HAGH: variants seen among roughly 807,000 people sequenced by gnomAD.
HAGH encodes hydroxyacylglutathione hydrolase, mitochondrial.
Under a neutral mutation model 35.1 loss-of-function variants are expected in HAGH, and 29 were observed. The ratio of observed to expected loss-of-function variants is 0.83; its 90% confidence interval spans 0.62 to 1.13. The LOEUF (loss-of-function observed/expected upper bound fraction) is 1.13, where lower values mean the gene tolerates loss of function less well. Ranked by LOEUF, HAGH falls within the 50% of genes most tolerant of loss-of-function variation. The pLI, the probability that HAGH is intolerant of heterozygous loss-of-function variation, is 0.00. For synonymous variants in HAGH, 225 were observed against 176.1 expected (o/e 1.28, Z -2.20); for missense variants, 478 against 419.6 (o/e 1.14, Z -1.22).
Position 1,822,351 on chromosome 16 carries a change from G to A in HAGH, c.263C>T (p.Ala88Val), listed in dbSNP as rs748598520. 7 of 1,610,594 alleles carry A rather than the reference G, an allele frequency of 4.3e-6. No homozygotes were observed. Among genetic ancestry groups the A allele is most frequent in the African/African-American group, 4.0e-5 (3 of 74,850 alleles). ...PVQPQKVVDA[A>V]RKHGVKLTTV... ...GGTCAGTTTCACCCCGTGCTTTCTC[G>A]CCGCGTCCACGACCTGCAGTGGCCC... The change falls in exon 3 of 9, where the codon GCG becomes GTG. Residue 88 changes from alanine (A) to valine (V), a missense_variant. Coordinates refer to ENST00000397356, the MANE Select transcript of HAGH (RefSeq NM_005326.6).
At chr16:1,819,010 C>T (rs1247340055) in intron 5 of HAGH, 105 bp downstream of exon 5, 9 of 714,250 alleles carry the variant, frequency 1.3e-5, no homozygotes, top group Non-Finnish European at 2.3e-5. Context: ...CCCCCTCACA[C>T]CGGTGCAACA....
rs1028590 is a variant in HAGH, at chr16:1,808,068, C to T, written c.*1215G>A. On this transcript the variant is annotated 3_prime_UTR_variant, in exon 9 of 9. Coordinates refer to ENST00000397356, the MANE Select transcript of HAGH (RefSeq NM_005326.6). ...CAAATGTTTCAGAACACGCGAGAGG[C>T]GGCTGCAGCATTGTGAATGGACTAA... is the stretch of plus-strand genomic sequence containing the variant. 0.45 allele frequency: 68,021 copies of T among 152,102 alleles called. 18,382 individuals carry two copies. The highest frequency in any genetic ancestry group is 0.65 in the Middle Eastern group (193 of 296). 9.4% of individuals were successfully genotyped at this position (152,102 alleles called of 1,614,324 possible). A position where few individuals can be genotyped will look rare whatever the true frequency, so the allele number is the denominator to read the frequency against.
chr16:1,809,460 C>A (rs1437801676), intron 8 of HAGH, 78 bp from the exon 9 acceptor site: 3 of 1,224,202 alleles, frequency 2.5e-6, no homozygotes, highest in Non-Finnish European at 3.5e-6. Context: ...CAGAGGAAGG[C>A]GACTCGTGCT....
rs529469453 is a variant in HAGH, at chr16:1,816,203, C to CA, written c.747+689dup. Among the ~76,000 whole-genome samples the CA allele has an allele frequency of 4.2e-3, 397 of 94,096 alleles. 1 individual carries two copies. Among genetic ancestry groups the CA allele is most frequent in the South Asian group, 9.2e-3 (26 of 2,826 alleles). 61.7% of individuals were successfully genotyped at this position (94,096 alleles called of 152,430 possible). Reference sequence around the variant, plus strand: ...TGGGCGACAGAGGGAGACTCCGTCTCAAAAAAAAATTAAAAAAAAAAAAAA... The same window carrying CA: ...TGGGCGACAGAGGGAGACTCCGTCTCAAAAAAAAAATTAAAAAAAAAAAAAA... On this transcript the variant is annotated intron_variant, in intron 7 of 8. Coordinates refer to ENST00000397356, the MANE Select transcript of HAGH (RefSeq NM_005326.6).
Position 1,826,648 on chromosome 16 carries a change from C to T in HAGH, c.76+64G>A, listed in dbSNP as rs959245098. ...CAGCGGTCGCCAAACGACGGCCCGG[C>T]GCCGCCCGCTGCCCGCCCCGCCAGG... On this transcript the variant is annotated intron_variant, in intron 1 of 8. Transcript: ENST00000397356. 90 of 965,776 alleles carry T rather than the reference C, an allele frequency of 9.3e-5. No homozygotes were observed. The African/African-American group carries it at 1.5e-3, about 16-fold the overall frequency. The allele number at this position is 965,776 out of a possible 1,614,324, so 59.8% of individuals were successfully genotyped here.
chr16:1,820,259 C>A (rs1898095888), intron 3 of HAGH, among the ~76,000 whole-genome samples: 1 of 145,568 alleles, frequency 6.9e-6, no homozygotes, highest in Admixed American at 6.7e-5. Flanking sequence ...CAAAGCACCA[C>A]CTGGTTCCCA....
intron 7 of HAGH, 144 bp downstream of exon 7, chr16:1,816,749 G>C (rs934374345): frequency 1.6e-6 from 1 of 642,694 alleles, no homozygotes; most frequent in African/African-American, 1.8e-5. Flanking sequence ...TGCCGTGCAG[G>C]GCGAGCTGGG....
chr16:1,814,801 G>A (rs538839983), intron 7 of HAGH, among the ~76,000 whole-genome samples: 2 of 152,082 alleles, frequency 1.3e-5, no homozygotes, highest in African/African-American at 4.8e-5. Flanking sequence ...GGGAGGCTGA[G>A]GCAGGAGAAT....
intron 3 of HAGH, among the ~76,000 whole-genome samples, chr16:1,820,315 G>C (rs1213569135): frequency 6.6e-6 from 1 of 151,730 alleles, no homozygotes; most frequent in East Asian, 1.9e-4. Context: ...CCTGGGGGTG[G>C]ATTTCTTGTC....
intron 5 of HAGH, among the ~76,000 whole-genome samples, chr16:1,817,738 C>T (rs1435248965): frequency 7.3e-6 from 1 of 136,710 alleles, no homozygotes; most frequent in East Asian, 2.5e-4. Context: ...CTGGGCACCT[C>T]AGGCGCACCC....
At position 1,817,226 on chromosome 16, in the gene HAGH, G is replaced by A; in HGVS notation, c.587C>T (p.Thr196Ile). The A allele has an allele frequency of 6.2e-7, 1 of 1,613,648 alleles. No individual in the cohort carries two copies. The highest frequency in any genetic ancestry group is 8.5e-7 in the Non-Finnish European group (1 of 1,179,556). The stretch of plus-strand genomic sequence containing the variant: ...CAGAGCTTTACACATCTCATCCGCA[G>A]TCCCTTCATAGAACTTCCCGCAGCC... ...VAGCGKFYEGTADEMCKALLE... is the reference protein window; with the variant it reads ...VAGCGKFYEGIADEMCKALLE... Residue 196 changes from threonine to isoleucine, a missense_variant, in exon 6 of 9, where the codon ACT becomes ATT. Thr to Ile is a moderately conservative substitution (Grantham distance 89). Transcript: ENST00000397356.
chr16:1,812,198 C>CAAA (rs763735556), intron 7 of HAGH, among the ~76,000 whole-genome samples: 23 of 110,644 alleles, frequency 2.1e-4, no homozygotes, highest in African/African-American at 7.3e-4. Context: ...TCTCCCCAAC[C>CAAA]AAAAAAAAAA....
At chr16:1,822,195 C>G in intron 3 of HAGH, 105 bp downstream of exon 3, 1 of 752,128 alleles carries the variant, frequency 1.3e-6, no homozygotes, top group East Asian at 2.7e-5. Context: ...CTTGTCCTCA[C>G]AAAGCAGACA....
In HAGH at chr16:1,819,195, G is replaced by A. The variant is rs1054333380; in HGVS notation, c.461C>T (p.Ala154Val). 1.9e-5 allele frequency: 30 copies of A among 1,611,976 alleles called. No homozygotes were observed. The highest frequency in any genetic ancestry group is 2.2e-5 in the East Asian group (1 of 44,832). ...QVGSLNVKCL[A>V]TPCHTSGHIC... ...GTGTCCTGAAGTGTGGCACGGGGTC[G>A]CCAGGCACTTGACGTTCAGAGACCC... Residue 154 changes from alanine (A) to valine (V), a missense_variant, in exon 5 of 9, where the codon GCG (alanine) becomes GTG (valine). Physicochemically the swap from Ala to Val is moderately conservative, Grantham distance 64 (BLOSUM62 0). Coordinates refer to ENST00000397356, the MANE Select transcript of HAGH (RefSeq NM_005326.6).
intron 6 of HAGH, 24 bp downstream of exon 6, chr16:1,817,144 G>T: frequency 6.6e-7 from 1 of 1,522,400 alleles, no homozygotes; most frequent in Non-Finnish European, 9.1e-7. Flanking sequence ...CCCACACCCC[G>T]GCCCGCAGGG....
chr16:1,826,810 C>G lies in HAGH; in HGVS notation c.-23G>C, dbSNP rs910827827. 96 of 1,217,890 alleles carry G rather than the reference C, an allele frequency of 7.9e-5. No homozygotes were observed. The highest frequency in any genetic ancestry group is 1.6e-4 in the African/African-American group (10 of 63,692). 75.4% of individuals were successfully genotyped at this position (1,217,890 alleles called of 1,614,324 possible). On this transcript the variant is annotated 5_prime_UTR_variant, in exon 1 of 9. Coordinates refer to ENST00000397356, the MANE Select transcript of HAGH (RefSeq NM_005326.6). ...CATGACCCGGGCCGGGCTGGACTGC[C>G]GAGCTGCCCAGGACTGCAAAACACC...
rs1196659304 is a variant in HAGH, at chr16:1,809,761, T to C, written c.820A>G (p.Arg274Gly). The C allele has an allele frequency of 6.2e-7, 1 of 1,611,858 alleles. No homozygotes were observed. The change falls in exon 8 of 9, where the codon AGA becomes GGA. Residue 274 changes from arginine (R) to glycine (G), a missense_variant. Physicochemically the swap from Arg to Gly is moderately radical, Grantham distance 125. Coordinates refer to ENST00000397356, the MANE Select transcript of HAGH (RefSeq NM_005326.6). ...ACCTGCCCTGGGCCTCACCTCACTC[T>C]CATGAAGGGGTTGTAGGTAAACTCC... ...AEEFTYNPFM[R>G]VREKTVQQHA...
At position 1,822,986 on chromosome 16, in the gene HAGH, G is replaced by A. The variant is rs368058572; in HGVS notation, c.128C>T (p.Thr43Ile). 5 of 1,613,810 alleles carry A rather than the reference G, an allele frequency of 3.1e-6. No homozygotes were observed. In the African/African-American group the frequency reaches 6.7e-5, roughly 22 times the overall value. ...TACCTTCATGGTGCCCTCGTCCACGGTCAGGTTCTTCCGCAAATCTGTGTG... is the reference window on the plus strand; with the variant it reads ...TACCTTCATGGTGCCCTCGTCCACGATCAGGTTCTTCCGCAAATCTGTGTG... Reference protein sequence around the residue: ...FCHTDLRKNLTVDEGTMKVEV... With the variant: ...FCHTDLRKNLIVDEGTMKVEV... The change falls in exon 2 of 9, where the codon ACC (threonine) becomes ATC (isoleucine). Residue 43 changes from threonine (T) to isoleucine (I), a missense_variant. Transcript: ENST00000397356.
chr16:1,814,956 C>CACACACACAT (rs1439671207), intron 7 of HAGH, among the ~76,000 whole-genome samples: 15 of 126,520 alleles, frequency 1.2e-4, no homozygotes, highest in South Asian at 7.4e-4. Flanking sequence ...CACACACACA[C>CACACACACAT]ATATATATAT....
Sources: gnomAD v4.1 joint callset for allele counts (sites outside exome capture counted in the v4.1 genomes callset) on GRCh38, gnomAD v4.1.1 for gene constraint, MANE v1.5 for transcripts, NCBI Gene and HGNC (gene_info 2026-07-23, HGNC 2026-07-21) for gene names.